RTF2: variants seen among roughly 807,000 people sequenced by gnomAD.
RTF2 encodes the protein replication termination factor 2, also known as UPF0549 protein C20orf43.
A neutral mutation model predicts 38.0 loss-of-function variants in RTF2; 18 were observed. That is an observed-to-expected ratio of 0.47 (90% CI 0.33 to 0.70). The LOEUF (loss-of-function observed/expected upper bound fraction) is 0.70, where lower values mean the gene tolerates loss of function less well. RTF2 is among the 30% of genes least tolerant of loss of function. The pLI, the probability that RTF2 is intolerant of heterozygous loss-of-function variation, is 0.02. For missense variants in RTF2, 311 were observed against 379.6 expected (o/e 0.82, Z 1.50); for synonymous variants, 126 against 137.1 (o/e 0.92, Z 0.57).
chr20:56,486,603 T>G (rs988123061), intron 5 of RTF2, among the ~76,000 whole-genome samples: 4 of 152,070 alleles, frequency 2.6e-5, no homozygotes, highest in Non-Finnish European at 4.4e-5. Context: ...GACCCAAGAT[T>G]GTGCCACTGC....
chr20:56,469,334 C>G (rs992311769), intron 1 of RTF2, among the ~76,000 whole-genome samples: 3 of 152,180 alleles, frequency 2.0e-5, no homozygotes, highest in African/African-American at 7.2e-5. Context: ...TTCTCTGCAA[C>G]TAGCATGGTT....
chr20:56,497,420 G>A, intron 5 of RTF2: 6 of 1,546,412 alleles, frequency 3.9e-6, no homozygotes, highest in Non-Finnish European at 5.2e-6. Flanking sequence ...CAATTTAGGG[G>A]GCCGCCCCTT....
chr20:56,517,159 G>A lies in RTF2; in HGVS notation c.700G>A (p.Asp234Asn). The A allele has an allele frequency of 6.2e-7, 1 of 1,614,184 alleles. No homozygotes were observed. ...KTGKPEEASL[D>N]SREKKTNLAP... ...AGGGAAGCCTGAAGAAGCCAGCCTTGATTCTAGAGAGAAGAAAACCAACTT... is the reference window on the plus strand; with the variant it reads ...AGGGAAGCCTGAAGAAGCCAGCCTTAATTCTAGAGAGAAGAAAACCAACTT... The change falls in exon 8 of 9, where the codon GAT becomes AAT. Residue 234 changes from aspartate (D) to asparagine (N), a missense_variant. Asp to Asn is a conservative substitution (Grantham distance 23). Transcript: ENST00000357348.
intron 2 of RTF2, 107 bp downstream of exon 2, chr20:56,473,502 T>C: frequency 1.3e-6 from 1 of 747,244 alleles, no homozygotes; most frequent in Non-Finnish European, 2.3e-6. Context: ...CCAAGCAAAT[T>C]TGTGAGGCAT....
chr20:56,468,842 G>A, intron 1 of RTF2, 76 bp downstream of exon 1: 1 of 1,271,048 alleles, frequency 7.9e-7, no homozygotes, highest in Non-Finnish European at 1.1e-6. Flanking sequence ...GAGGAAGTAA[G>A]AAGGGGGAGC....
At chr20:56,490,392 G>A (rs532003068) in intron 5 of RTF2, among the ~76,000 whole-genome samples, 45 of 152,342 alleles carry the variant, frequency 3.0e-4, no homozygotes, top group African/African-American at 1.1e-3. Context: ...CACAACAGCA[G>A]CGGCAGCAGC....
intron 6 of RTF2, among the ~76,000 whole-genome samples, chr20:56,514,991 G>A (rs1369872196): frequency 6.6e-6 from 1 of 150,664 alleles, no homozygotes. Context: ...AGGTTGCAGT[G>A]AGCCGAGATC....
intron 8 of RTF2, 25 bp from the exon 9 acceptor site, chr20:56,518,062 C>G (rs758224665): frequency 6.3e-7 from 1 of 1,593,004 alleles, no homozygotes; most frequent in Non-Finnish European, 8.5e-7. Flanking sequence ...CCAACCCTGA[C>G]AGTTTTGGCT....
chr20:56,505,145 T>G (rs1239283921), intron 5 of RTF2, among the ~76,000 whole-genome samples: 1 of 152,172 alleles, frequency 6.6e-6, no homozygotes, highest in Admixed American at 6.5e-5. Context: ...TGCCAGCTTG[T>G]GAGGTCTTGC....
chr20:56,514,530 G>A (rs12480725), intron 6 of RTF2, among the ~76,000 whole-genome samples: 21 of 152,224 alleles, frequency 1.4e-4, no homozygotes, highest in Admixed American at 9.8e-4. Flanking sequence ...AGTCCGAGGC[G>A]AGAGTGATGG....
At chr20:56,516,298 T>G (rs1985038743) in intron 6 of RTF2, 1 of 152,168 alleles carries the variant, frequency 6.6e-6, no homozygotes, top group Admixed American at 6.5e-5. Context: ...TTAAATCAAT[T>G]CCAACGCAGC....
chr20:56,470,758 T>A (rs992646757), intron 1 of RTF2: 3 of 438,458 alleles, frequency 6.8e-6, no homozygotes, highest in Non-Finnish European at 1.4e-5. Context: ...CGTGGTGGGG[T>A]CTCCATAAAG....
intron 5 of RTF2, among the ~76,000 whole-genome samples, chr20:56,484,667 C>A (rs921967410): frequency 5.3e-5 from 8 of 152,252 alleles, no homozygotes; most frequent in African/African-American, 1.9e-4. Context: ...AGGGCATATT[C>A]TCTCCAGAGC....
rs536837375 is a variant in RTF2, at chr20:56,472,770, ATCT to A, written c.70-526_70-524del. Among the ~76,000 whole-genome samples the A allele has an allele frequency of 6.0e-3, 915 of 152,158 alleles. 7 individuals carry two copies. The highest frequency in any genetic ancestry group is 0.021 in the African/African-American group (872 of 41,496). The stretch of plus-strand genomic sequence containing the variant: ...ATAAACAGTTTAATAATTTTATATA[ATCT>A]TCTTTTTCTTTGTACATGTCATATT... On this transcript the variant is annotated intron_variant, in intron 1 of 8. Transcript: ENST00000357348.
intron 5 of RTF2, chr20:56,497,267 A>G (rs1250603419): frequency 6.4e-7 from 1 of 1,551,636 alleles, no homozygotes; most frequent in Admixed American, 2.0e-5. Flanking sequence ...GAATAGTTAT[A>G]ATATATGCCA....
Position 56,468,638 on chromosome 20 carries a change from C to G in RTF2, c.-60C>G, listed in dbSNP as rs879897473. On this transcript the variant is annotated 5_prime_UTR_variant, in exon 1 of 9. Coordinates refer to ENST00000357348, the MANE Select transcript of RTF2 (RefSeq NM_016407.5). ...CGCCGGAAGTGGCTGCGGATTTCGC[C>G]GGAAATCCCGGAAGTGACAGCTTTG... 2.7e-6 allele frequency: 4 copies of G among 1,478,606 alleles called. No individual in the cohort carries two copies. The highest frequency in any genetic ancestry group is 2.8e-6 in the Non-Finnish European group (3 of 1,082,100). The allele number at this position is 1,478,606 out of a possible 1,614,324, so 91.6% of individuals were successfully genotyped here.
chr20:56,496,934 C>G (rs757996437), intron 5 of RTF2: 3 of 1,551,150 alleles, frequency 1.9e-6, no homozygotes, highest in Non-Finnish European at 2.6e-6. Flanking sequence ...TTTTATCACT[C>G]CATTTGCTTC....
intron 5 of RTF2, chr20:56,496,786 T>C (rs1438029690): frequency 2.6e-6 from 4 of 1,552,106 alleles, no homozygotes; most frequent in Non-Finnish European, 3.5e-6. Flanking sequence ...CCAAAATAAA[T>C]GGTTAAGTTA....
At chr20:56,488,234 G>T (rs755123958) in intron 5 of RTF2, among the ~76,000 whole-genome samples, 4 of 152,090 alleles carry the variant, frequency 2.6e-5, no homozygotes, top group Non-Finnish European at 5.9e-5. Flanking sequence ...GGTGGTGCAT[G>T]CCTGTAGTCC....
Sources: gnomAD v4.1 joint callset for allele counts (sites outside exome capture counted in the v4.1 genomes callset) on GRCh38, gnomAD v4.1.1 for gene constraint, MANE v1.5 for transcripts, NCBI Gene and HGNC (gene_info 2026-07-23, HGNC 2026-07-21) for gene names.